The following NPAS3 variants were observed in gnomAD, a reference collection of about 807,000 sequenced individuals.
NPAS3 encodes neuronal PAS domain-containing protein 3.
NPAS3 carries 14 observed loss-of-function variants against 73.1 expected under a neutral mutation model. That is an observed-to-expected ratio of 0.19 (90% CI 0.13 to 0.30). The LOEUF is 0.30. Among genes scored for constraint, NPAS3 ranks in the 10% least tolerant of loss-of-function variants. NPAS3 has a pLI of 1.00. For synonymous variants in NPAS3, 620 were observed against 541.5 expected (o/e 1.14, Z -2.01); for missense variants, 1,096 against 1,250.0 (o/e 0.88, Z 1.86).
chr14:33,575,675 T>C (rs1301098330), intron 5 of NPAS3, among the ~76,000 whole-genome samples: 1 of 152,256 alleles, frequency 6.6e-6, no homozygotes, highest in Non-Finnish European at 1.5e-5. Flanking sequence ...TATTTTATGG[T>C]GAAAAATTTT....
At chr14:32,945,995 T>C (rs978912935) in intron 1 of NPAS3, among the ~76,000 whole-genome samples, 2 of 152,192 alleles carry the variant, frequency 1.3e-5, no homozygotes, top group African/African-American at 4.8e-5. Context: ...CAAGTTTCTC[T>C]AAAGATTATA....
At chr14:33,784,710 T>TTG (rs2138558454) in intron 9 of NPAS3, among the ~76,000 whole-genome samples, 2 of 149,632 alleles carry the variant, frequency 1.3e-5, no homozygotes, top group Non-Finnish European at 3.0e-5. Flanking sequence ...GCTTTTATTT[T>TTG]TTATTGTTAT....
At chr14:33,096,570 T>G (rs538038889) in intron 2 of NPAS3, among the ~76,000 whole-genome samples, 1 of 152,348 alleles carries the variant, frequency 6.6e-6, no homozygotes, top group African/African-American at 2.4e-5. Flanking sequence ...TACAAGTCAC[T>G]TAGTCTCTCT....
intron 6 of NPAS3, among the ~76,000 whole-genome samples, chr14:33,725,759 C>A (rs2061247940): frequency 6.6e-6 from 1 of 152,172 alleles, no homozygotes; most frequent in African/African-American, 2.4e-5. Context: ...AGCCAGGCAA[C>A]TTCTAGCTAC....
chr14:33,709,978 A>C (rs1358303535), intron 6 of NPAS3, among the ~76,000 whole-genome samples: 1 of 152,158 alleles, frequency 6.6e-6, no homozygotes, highest in Non-Finnish European at 1.5e-5. Context: ...CAACACTCAC[A>C]CTTGTGTTAG....
intron 2 of NPAS3, among the ~76,000 whole-genome samples, chr14:33,100,539 G>A (rs2042551254): frequency 6.6e-6 from 1 of 152,016 alleles, no homozygotes; most frequent in Non-Finnish European, 1.5e-5. Context: ...ATAACTTTGG[G>A]TAAACTGTTA....
chr14:33,538,502 T>C (rs2054357360), intron 4 of NPAS3, among the ~76,000 whole-genome samples: 2 of 152,328 alleles, frequency 1.3e-5, no homozygotes, highest in African/African-American at 4.8e-5. Context: ...GTTTGTCTCT[T>C]ACAGTAGTCA....
chr14:33,665,936 G>A (rs2059438858), intron 5 of NPAS3, among the ~76,000 whole-genome samples: 1 of 152,044 alleles, frequency 6.6e-6, no homozygotes, highest in African/African-American at 2.4e-5. Context: ...AAAAATCATG[G>A]GTCCAGAGCT....
At chr14:33,393,923 G>C (rs1354940980) in intron 4 of NPAS3, among the ~76,000 whole-genome samples, 2 of 152,134 alleles carry the variant, frequency 1.3e-5, no homozygotes, top group African/African-American at 2.4e-5. Flanking sequence ...ACATTAGACT[G>C]TTGTCTATAT....
At chr14:33,327,097 A>G (rs183125672) in intron 3 of NPAS3, among the ~76,000 whole-genome samples, 137 of 152,340 alleles carry the variant, frequency 9.0e-4, no homozygotes, top group African/African-American at 3.1e-3. Flanking sequence ...CATTGATAGC[A>G]TTTTAGAATT....
intron 1 of NPAS3, among the ~76,000 whole-genome samples, chr14:32,997,678 A>C (rs987909500): frequency 6.6e-6 from 1 of 151,220 alleles, no homozygotes; most frequent in Non-Finnish European, 1.5e-5. Context: ...TAATCCCAGC[A>C]CTTTGGGAGG....
At chr14:33,663,178 G>A (rs1314478076) in intron 5 of NPAS3, among the ~76,000 whole-genome samples, 1 of 152,098 alleles carries the variant, frequency 6.6e-6, no homozygotes, top group Admixed American at 6.5e-5. Context: ...TCCAGCTTTT[G>A]CCCATTCAGT....
chr14:33,558,321 C>T (rs895305151), intron 4 of NPAS3, among the ~76,000 whole-genome samples: 2 of 151,764 alleles, frequency 1.3e-5, no homozygotes, highest in Non-Finnish European at 2.9e-5. Context: ...AGTACAGTGG[C>T]GTGATCTTGG....
chr14:33,676,372 G>A lies in NPAS3; in HGVS notation c.720G>A (p.Glu240=), dbSNP rs548409707. ...CAGCATCTTCCTCCTCTCAGTCGGAGACCCCCGAGCCAGGTGGGAATTGCA... is the reference window on the plus strand; with the variant it reads ...CAGCATCTTCCTCCTCTCAGTCGGAAACCCCCGAGCCAGGTGGGAATTGCA... The change falls in exon 6 of 12, where the codon GAG becomes GAA. Residue 240 remains glutamate, a synonymous_variant. Coordinates refer to ENST00000356141, the Ensembl canonical transcript of NPAS3. The A allele has an allele frequency of 1.6e-5, 25 of 1,578,488 alleles. No homozygotes were observed. In the South Asian group the frequency reaches 2.8e-4, roughly 18 times the overall value.
intron 3 of NPAS3, among the ~76,000 whole-genome samples, chr14:33,364,197 T>C (rs542135060): frequency 4.5e-4 from 68 of 152,272 alleles, no homozygotes; most frequent in African/African-American, 1.6e-3. Flanking sequence ...CAGATCCCAT[T>C]GAGGAAATGC....
chr14:33,375,212 C>T (rs2046262735), intron 4 of NPAS3, among the ~76,000 whole-genome samples: 1 of 152,038 alleles, frequency 6.6e-6, no homozygotes. Context: ...TGTAGTGTCT[C>T]TATGATCCAG....
intron 2 of NPAS3, among the ~76,000 whole-genome samples, chr14:33,094,568 G>A (rs962786754): frequency 3.3e-5 from 5 of 151,474 alleles, no homozygotes; most frequent in African/African-American, 1.2e-4. Context: ...TGGGTTCAAG[G>A]TATTCTCCTG....
At chr14:33,749,619 A>G (rs1340860466) in intron 7 of NPAS3, among the ~76,000 whole-genome samples, 1 of 152,172 alleles carries the variant, frequency 6.6e-6, no homozygotes, top group Non-Finnish European at 1.5e-5. Context: ...TTTGCCCAAC[A>G]ACTCATAGTG....
chr14:33,616,473 T>A (rs980958220), intron 5 of NPAS3, among the ~76,000 whole-genome samples: 2 of 152,076 alleles, frequency 1.3e-5, no homozygotes, highest in Non-Finnish European at 2.9e-5. Flanking sequence ...ATCACACAAA[T>A]CCAGACCAGT....
Sources: gnomAD v4.1 joint callset for allele counts (sites outside exome capture counted in the v4.1 genomes callset) on GRCh38, gnomAD v4.1.1 for gene constraint, MANE v1.5 for transcripts, NCBI Gene and HGNC (gene_info 2026-07-23, HGNC 2026-07-21) for gene names.